Variants in SLC4A4 observed in about 807,000 individuals in gnomAD.
The protein encoded by SLC4A4 is solute carrier family 4 member 4, also known as electrogenic sodium bicarbonate cotransporter 1.
A neutral mutation model predicts 111.5 loss-of-function variants in SLC4A4; 27 were observed. The observed-to-expected ratio is 0.24, with a 90% CI of 0.18 to 0.33. The LOEUF is 0.33. SLC4A4 is among the 10% of genes least tolerant of loss of function. SLC4A4 has a pLI of 1.00. For synonymous variants in SLC4A4, 443 were observed against 463.4 expected, an observed-to-expected ratio of 0.96 and a Z score of 0.57; for missense variants, 909 against 1,315.5, an observed-to-expected ratio of 0.69 and a Z score of 4.78.
chr4:71,499,922 AT>A (rs1560565022), intron 16 of SLC4A4, among the ~76,000 whole-genome samples: 1 of 152,110 alleles, frequency 6.6e-6, no homozygotes, highest in East Asian at 1.9e-4. Flanking sequence ...TCATGATTTC[AT>A]TTCTTTTGGA....
chr4:71,158,288 G>A (rs1440321155), intron 2 of SLC4A4, among the ~76,000 whole-genome samples: 4 of 152,032 alleles, frequency 2.6e-5, no homozygotes, highest in Non-Finnish European at 2.9e-5. Flanking sequence ...GAATGAAAGG[G>A]CATGTCTGAA....
At chr4:71,396,188 T>C (rs891413555) in intron 6 of SLC4A4, among the ~76,000 whole-genome samples, 5 of 152,204 alleles carry the variant, frequency 3.3e-5, no homozygotes, top group African/African-American at 1.2e-4. Flanking sequence ...TTCCTTTGAA[T>C]AATGCTCTGT....
At chr4:71,358,346 T>C (rs1359748018) in intron 6 of SLC4A4, among the ~76,000 whole-genome samples, 4 of 144,854 alleles carry the variant, frequency 2.8e-5, no homozygotes, top group Non-Finnish European at 6.0e-5. Flanking sequence ...GAGAGATGAG[T>C]AGATAAGGGA....
chr4:71,504,639 C>T (rs1731228278), intron 16 of SLC4A4, among the ~76,000 whole-genome samples: 1 of 138,054 alleles, frequency 7.2e-6, no homozygotes, highest in South Asian at 2.3e-4. Context: ...TTTGGACCTC[C>T]TACTGAAGAC....
At chr4:71,315,741 G>A (rs946677935) in intron 3 of SLC4A4, among the ~76,000 whole-genome samples, 1 of 152,250 alleles carries the variant, frequency 6.6e-6, no homozygotes, top group Admixed American at 6.5e-5. Flanking sequence ...ATATTTTGAG[G>A]CTGGGTGGAT....
At chr4:71,314,146 A>G (rs1057217217) in intron 3 of SLC4A4, among the ~76,000 whole-genome samples, 1 of 152,216 alleles carries the variant, frequency 6.6e-6, no homozygotes, top group Non-Finnish European at 1.5e-5. Context: ...GAAGGCATTT[A>G]TGTGGCCAAG....
intron 16 of SLC4A4, among the ~76,000 whole-genome samples, chr4:71,518,103 G>T (rs1732577197): frequency 6.6e-6 from 1 of 152,174 alleles, no homozygotes; most frequent in Non-Finnish European, 1.5e-5. Flanking sequence ...AGAGCCTGAG[G>T]CTGGCTTGGT....
intron 16 of SLC4A4, among the ~76,000 whole-genome samples, chr4:71,506,375 T>C (rs1004103493): frequency 7.9e-5 from 12 of 152,216 alleles, no homozygotes; most frequent in African/African-American, 2.9e-4. Context: ...CCTTGAGTGG[T>C]GGTTTGTAGT....
intron 20 of SLC4A4, among the ~76,000 whole-genome samples, chr4:71,551,940 G>A (rs1377147063): frequency 6.6e-6 from 1 of 151,842 alleles, no homozygotes; most frequent in Non-Finnish European, 1.5e-5. Context: ...ACTGCTGAAA[G>A]GGCAATATAG....
intron 2 of SLC4A4, among the ~76,000 whole-genome samples, chr4:71,143,203 G>C (rs934753131): frequency 6.6e-6 from 1 of 151,982 alleles, no homozygotes; most frequent in East Asian, 1.9e-4. Context: ...GCAGTGTTTG[G>C]TTTTTTGTCC....
At chr4:71,456,526 A>T (rs906997771) in intron 12 of SLC4A4, among the ~76,000 whole-genome samples, 1 of 152,148 alleles carries the variant, frequency 6.6e-6, no homozygotes, top group Non-Finnish European at 1.5e-5. Context: ...TGGCAGGAGA[A>T]GTCTTCTTGA....
chr4:71,371,073 C>A (rs1028830891), intron 6 of SLC4A4, among the ~76,000 whole-genome samples: 1 of 152,090 alleles, frequency 6.6e-6, no homozygotes, highest in African/African-American at 2.4e-5. Flanking sequence ...TAGTGAATAA[C>A]TAAGGTGTGC....
chr4:71,448,786 G>A (rs971169171), intron 9 of SLC4A4, among the ~76,000 whole-genome samples: 3 of 151,932 alleles, frequency 2.0e-5, no homozygotes, highest in African/African-American at 7.3e-5. Context: ...TTGATTTGTC[G>A]GTTTTTCTGT....
chr4:71,566,894 T>C (rs1183808000), intron 24 of SLC4A4, 110 bp from the exon 25 acceptor site: 3 of 782,626 alleles, frequency 3.8e-6, no homozygotes, highest in Non-Finnish European at 6.4e-6. Context: ...CCTAAACTTG[T>C]CTTTTTTACT....
At chr4:71,216,245 T>C (rs1421145824) in intron 1 of SLC4A4, among the ~76,000 whole-genome samples, 3 of 152,228 alleles carry the variant, frequency 2.0e-5, no homozygotes, top group African/African-American at 7.2e-5. Flanking sequence ...TTTCAGAAAA[T>C]TAGTTCTTAC....
At chr4:71,404,268 C>G (rs1419449838) in intron 7 of SLC4A4, among the ~76,000 whole-genome samples, 1 of 152,116 alleles carries the variant, frequency 6.6e-6, no homozygotes, top group Non-Finnish European at 1.5e-5. Context: ...TCACTGGAGT[C>G]CTCTCTGAAG....
At chr4:71,545,281 TGAGAG>T (rs1460534273) in intron 18 of SLC4A4, among the ~76,000 whole-genome samples, 3 of 151,964 alleles carry the variant, frequency 2.0e-5, no homozygotes, top group Non-Finnish European at 4.4e-5. Context: ...GGCATTTCAG[TGAGAG>T]GAGAGCAGTG....
intron 3 of SLC4A4, among the ~76,000 whole-genome samples, chr4:71,272,058 C>T (rs559489252): frequency 6.6e-6 from 1 of 152,232 alleles, no homozygotes; most frequent in Non-Finnish European, 1.5e-5. Flanking sequence ...CCATTCTATT[C>T]ATGCTGCCTA....
At chr4:71,545,436 G>T (rs1735434590) in intron 18 of SLC4A4, among the ~76,000 whole-genome samples, 1 of 152,028 alleles carries the variant, frequency 6.6e-6, no homozygotes, top group Non-Finnish European at 1.5e-5. Flanking sequence ...CTTCCCTGCT[G>T]TGAAAATGGA....
Sources: gnomAD v4.1 joint callset for allele counts (sites outside exome capture counted in the v4.1 genomes callset) on GRCh38, gnomAD v4.1.1 for gene constraint, MANE v1.5 for transcripts, NCBI Gene and HGNC (gene_info 2026-07-23, HGNC 2026-07-21) for gene names.